SQSTM1: variants seen among roughly 807,000 people sequenced by gnomAD.
SQSTM1 encodes the protein sequestosome-1.
In SQSTM1, 36 loss-of-function variants were observed where a neutral mutation model predicts 45.1. The observed-to-expected ratio is 0.80, with a 90% confidence interval of 0.61 to 1.05. The LOEUF (loss-of-function observed/expected upper bound fraction) is 1.05, where lower values mean the gene tolerates loss of function less well. Among genes scored for constraint, SQSTM1 ranks in the 50% least tolerant of loss-of-function variants. The probability of loss-of-function intolerance (pLI) is 0.00; values close to 1 mark genes in which losing one functional copy is unlikely to be tolerated. For synonymous variants in SQSTM1, 290 were observed against 244.3 expected (o/e 1.19, Z -1.74); for missense variants, 617 against 607.1 (o/e 1.02, Z -0.17).
Position 179,806,550 on chromosome 5 carries a change from G to A in SQSTM1, c.-198G>A, listed in dbSNP as rs1437963770. ...AGGAAGGCGCACAGGCAGAAGAGCA[G>A]CAGCGTCAGGAAGGTGCCATTGCGG... On this transcript the variant is annotated 5_prime_UTR_variant, in exon 1 of 6. Transcript: ENST00000514093. The surrounding 1 kb of genome is among the most constrained non-coding windows in gnomAD (Gnocchi z 4.6). 1.5e-6 allele frequency: 2 copies of A among 1,325,920 alleles called. No individual in the cohort carries two copies. The highest frequency in any genetic ancestry group is 2.0e-6 in the Non-Finnish European group (2 of 1,011,878). 82.1% of individuals were successfully genotyped at this position (1,325,920 alleles called of 1,614,324 possible).
chr5:179,825,646 ACAACCCC>A (rs1757958348), intron 5 of SQSTM1, among the ~76,000 whole-genome samples: 1 of 152,140 alleles, frequency 6.6e-6, no homozygotes, highest in African/African-American at 2.4e-5. Flanking sequence ...CTTTTAGTTT[ACAACCCC>A]CAAACCTTTC....
intron 1 of SQSTM1, chr5:179,808,213 C>A: frequency 6.6e-6 from 1 of 152,414 alleles, no homozygotes. Context: ...CAGCCCCGGC[C>A]CACACCTGGG....
Position 179,833,206 on chromosome 5 carries a change from A to G in SQSTM1, c.929A>G (p.Gln310Arg). The G allele has an allele frequency of 6.2e-7, 1 of 1,610,806 alleles. No individual in the cohort carries two copies. The highest frequency in any genetic ancestry group is 8.5e-7 in the Non-Finnish European group (1 of 1,178,762). ...GGCGCCACGCAGTCTCTGGCGGAGC[A>G]GATGAGGAAGATCGCCTTGGAGTCC... Reference protein sequence around the residue: ...VEGATQSLAEQMRKIALESEG... With the variant: ...VEGATQSLAERMRKIALESEG... The change falls in exon 6 of 8, where the codon CAG (glutamine) becomes CGG (arginine). Residue 310 changes from glutamine to arginine, a missense_variant. Coordinates refer to ENST00000389805, the MANE Select transcript of SQSTM1 (RefSeq NM_003900.5).
intron 2 of SQSTM1, chr5:179,823,541 G>T: frequency 2.1e-6 from 1 of 468,212 alleles, no homozygotes. Flanking sequence ...CTAGGGATGG[G>T]GTCTGGTGCC....
intron 1 of SQSTM1, 27 bp downstream of exon 1, chr5:179,821,168 C>G: frequency 7.6e-7 from 1 of 1,324,046 alleles, no homozygotes; most frequent in South Asian, 2.0e-5. Flanking sequence ...GCGGCGGGGG[C>G]GGTGACGCAG....
At position 179,821,023 on chromosome 5, in the gene SQSTM1, C is replaced by T. The variant is rs755859379; in HGVS notation, c.87C>T (p.Pro29=). Residue 29 remains proline (P), a synonymous_variant, in exon 1 of 8, where the codon CCC becomes CCT. Coordinates refer to ENST00000389805, the MANE Select transcript of SQSTM1 (RefSeq NM_003900.5). ...EIRRFSFCCS[P]EPEAEAEAAA... ...GCCGCTTCAGCTTCTGCTGCAGCCC[C>T]GAGCCTGAGGCGGAAGCCGAGGCTG... 1.9e-6 allele frequency: 3 copies of T among 1,564,138 alleles called. No individual in the cohort carries two copies. Among genetic ancestry groups the T allele is most frequent in the Non-Finnish European group, 1.7e-6 (2 of 1,164,888 alleles).
chr5:179,814,585 A>T (rs1231183557), upstream of SQSTM1, among the ~76,000 whole-genome samples: 1 of 152,244 alleles, frequency 6.6e-6, no homozygotes, highest in Non-Finnish European at 1.5e-5. Flanking sequence ...GGCTACAGGC[A>T]TAACCATGTG....
Position 179,833,773 on chromosome 5 carries a change from C to G in SQSTM1, c.1156C>G (p.Leu386Val). 2 of 1,614,110 alleles carry G rather than the reference C, an allele frequency of 1.2e-6. No individual in the cohort carries two copies. Among genetic ancestry groups the G allele is most frequent in the Non-Finnish European group, 1.7e-6 (2 of 1,180,034 alleles). Residue 386 changes from leucine to valine, a missense_variant, in exon 7 of 8, where the codon CTC (leucine) becomes GTC (valine). Leu to Val is a conservative substitution (Grantham distance 32). Transcript: ENST00000389805. ...GAAGGAAGCTGCCTTGTACCCACAT[C>G]TCCCGCCAGGCAAGTGAACCAAGAG... ...GLKEAALYPH[L>V]PPEADPRLIE... is the part of the protein sequence containing the mutation.
chr5:179,836,766 C>A lies in SQSTM1; in HGVS notation c.*173C>A. 1 of 971,850 alleles carries A rather than the reference C, an allele frequency of 1.0e-6. No individual in the cohort carries two copies. Among genetic ancestry groups the A allele is most frequent in the African/African-American group, 1.6e-5 (1 of 61,716 alleles). 60.2% of individuals were successfully genotyped at this position (971,850 alleles called of 1,614,324 possible). On this transcript the variant is annotated 3_prime_UTR_variant, in exon 8 of 8. Coordinates refer to ENST00000389805, the MANE Select transcript of SQSTM1 (RefSeq NM_003900.5). ...AAACAAGTGACATGAAGGGAGGGTC[C>A]CTGTGTGTGTGTGTGCTGATGTTTC... is the stretch of plus-strand genomic sequence containing the variant.
In SQSTM1 at chr5:179,837,890, A is replaced by G. The variant is rs745524145; in HGVS notation, c.*1297A>G. The G allele has an allele frequency of 1.2e-6, 2 of 1,600,886 alleles. No homozygotes were observed. The highest frequency in any genetic ancestry group is 1.7e-6 in the Non-Finnish European group (2 of 1,177,952). On this transcript the variant is annotated 3_prime_UTR_variant, in exon 8 of 8. Transcript: ENST00000389805. ...CCATGTCAGGCCAGCCTGTCCCTGA[A>G]AGAGAAGATGGCCATGCCCTCCATG...
chr5:179,817,306 C>G (rs1368414397), upstream of SQSTM1, among the ~76,000 whole-genome samples: 1 of 152,218 alleles, frequency 6.6e-6, no homozygotes, highest in East Asian at 1.9e-4. Flanking sequence ...CCGCGTCGTG[C>G]CTTTAGACAC....
At chr5:179,823,142 A>G (rs2113485508) in intron 2 of SQSTM1, 89 bp downstream of exon 2, 1 of 1,223,374 alleles carries the variant, frequency 8.2e-7, no homozygotes, top group Non-Finnish European at 1.2e-6. Flanking sequence ...ATGTTCCACC[A>G]ATGAAGGGGT....
intron 1 of SQSTM1, among the ~76,000 whole-genome samples, chr5:179,809,956 G>T (rs1400123735): frequency 1.3e-5 from 2 of 150,764 alleles, no homozygotes; most frequent in Non-Finnish European, 3.0e-5. Flanking sequence ...CCTAATTTTT[G>T]TATTTTTAGT....
chr5:179,825,123 T>C (rs2113491057), intron 4 of SQSTM1, 23 bp from the exon 5 acceptor site: 1 of 1,606,502 alleles, frequency 6.2e-7, no homozygotes, highest in East Asian at 2.2e-5. Flanking sequence ...GATATCTTTA[T>C]CTTATCTTTG....
Position 179,823,983 on chromosome 5 carries a change from A to G in SQSTM1, c.427A>G (p.Ser143Gly). Residue 143 changes from serine to glycine, a missense_variant, in exon 3 of 8, where the codon AGC becomes GGC. Transcript: ENST00000389805. ...TGTGGTAGGAACCCGCTACAAGTGC[A>G]GCGTCTGCCCAGACTACGACTTGTG... is the stretch of plus-strand genomic sequence containing the variant. ...GPVVGTRYKC[S>G]VCPDYDLCSV... 6 of 1,614,050 alleles carry G rather than the reference A, an allele frequency of 3.7e-6. No individual in the cohort carries two copies. The highest frequency in any genetic ancestry group is 5.1e-6 in the Non-Finnish European group (6 of 1,180,046).
In SQSTM1 at chr5:179,837,259, G is replaced by A. The variant is rs985679358; in HGVS notation, c.*666G>A. 2.6e-5 allele frequency: 41 copies of A among 1,604,314 alleles called. No homozygotes were observed. In the South Asian group the frequency reaches 2.6e-4, roughly 10 times the overall value. On this transcript the variant is annotated 3_prime_UTR_variant, in exon 8 of 8. Coordinates refer to ENST00000389805, the MANE Select transcript of SQSTM1 (RefSeq NM_003900.5). ...TGGCATCAGCACTTTAACCAATGAC[G>A]TTTGCATAGAGAGAAATGATTGACA...
Position 179,824,047 on chromosome 5 carries a change from C to G in SQSTM1, c.491C>G (p.Thr164Ser), listed in dbSNP as rs376662069. Residue 164 changes from threonine to serine, a missense_variant, in exon 3 of 8, where the codon ACC becomes AGC. Thr to Ser is a moderately conservative substitution (Grantham distance 58, BLOSUM62 1). Coordinates refer to ENST00000389805, the MANE Select transcript of SQSTM1 (RefSeq NM_003900.5). ...CEGKGLHRGH[T>S]KLAFPSPFGH... ...GGAAAGGGCTTGCACCGGGGGCACA[C>G]CAAGCTCGCATTCCCCAGCCCCTTC... 6.2e-7 allele frequency: 1 copy of G among 1,613,850 alleles called. No homozygotes were observed. The highest frequency in any genetic ancestry group is 8.5e-7 in the Non-Finnish European group (1 of 1,180,054).
At position 179,832,941 on chromosome 5, in the gene SQSTM1, G is replaced by GT. The variant is rs145727617; in HGVS notation, c.755-90dup. Reference sequence around the variant, plus strand: ...GTGGGGACTGAACGTTGAGATCTTCGTGAGTCTGTAGTCTCCACAGGCCAA... The same window carrying GT: ...GTGGGGACTGAACGTTGAGATCTTCGTTGAGTCTGTAGTCTCCACAGGCCAA... On this transcript the variant is annotated intron_variant, in intron 5 of 7. Coordinates refer to ENST00000389805, the MANE Select transcript of SQSTM1 (RefSeq NM_003900.5). 2,702 of 1,300,444 alleles carry GT rather than the reference G, an allele frequency of 2.1e-3. 33 individuals are homozygous for GT. The highest frequency in any genetic ancestry group is 4.7e-3 in the East Asian group (204 of 43,114). 80.6% of individuals were successfully genotyped at this position (1,300,444 alleles called of 1,614,324 possible).
Position 179,837,468 on chromosome 5 carries a change from G to C in SQSTM1, c.*875G>C. 6.2e-7 allele frequency: 1 copy of C among 1,613,462 alleles called. No homozygotes were observed. Among genetic ancestry groups the C allele is most frequent in the Non-Finnish European group, 8.5e-7 (1 of 1,179,634 alleles). On this transcript the variant is annotated 3_prime_UTR_variant, in exon 8 of 8. Coordinates refer to ENST00000389805, the MANE Select transcript of SQSTM1 (RefSeq NM_003900.5). ...GTGGGTCGAGGATTCTGTGCCTCCAGGACCAGGGGCCCACCCTCTGCCCAG... is the reference window on the plus strand; with the variant it reads ...GTGGGTCGAGGATTCTGTGCCTCCACGACCAGGGGCCCACCCTCTGCCCAG...
Sources: allele counts gnomAD v4.1 joint callset (sites outside exome capture counted in the v4.1 genomes callset), GRCh38; gene constraint gnomAD v4.1.1; non-coding constraint Gnocchi (gnomAD v3.1); transcripts MANE v1.5; gene names NCBI Gene and HGNC (gene_info 2026-07-23, HGNC 2026-07-21).